ZNF804B: variants seen among roughly 807,000 people sequenced by gnomAD.
ZNF804B encodes the protein zinc finger 804B.
ZNF804B carries 80 observed loss-of-function variants against 101.4 expected under a neutral mutation model. That is an observed-to-expected ratio of 0.79 (90% CI 0.66 to 0.95). The LOEUF is 0.95. Ranked by LOEUF, ZNF804B falls within the 40% of genes least tolerant of loss-of-function variation. The pLI, the probability that ZNF804B is intolerant of heterozygous loss-of-function variation, is 0.00. For missense variants in ZNF804B, 1,673 were observed against 1,561.9 expected, an observed-to-expected ratio of 1.07 and a Z score of -1.20; for synonymous variants, 622 against 558.8, an observed-to-expected ratio of 1.11 and a Z score of -1.59.
At chr7:89,317,078 G>A (rs40374) in intron 2 of ZNF804B, among the ~76,000 whole-genome samples, 13,467 of 152,214 alleles carry the variant, frequency 0.088, 720 homozygotes, top group Non-Finnish European at 0.12. Context: ...CAGGGCATAG[G>A]TATACAGAGA....
At chr7:89,091,474 C>T (rs566904009) in intron 1 of ZNF804B, among the ~76,000 whole-genome samples, 64 of 152,008 alleles carry the variant, frequency 4.2e-4, no homozygotes, top group African/African-American at 1.4e-3. Flanking sequence ...GGAATTTAAA[C>T]AAGTTTTCTC....
chr7:88,786,515 C>A (rs900823863), intron 1 of ZNF804B, among the ~76,000 whole-genome samples: 3 of 152,036 alleles, frequency 2.0e-5, no homozygotes, highest in African/African-American at 7.2e-5. Context: ...AATCTTTGGG[C>A]TAATTCCTCT....
chr7:89,271,625 A>T (rs531643978), intron 2 of ZNF804B, among the ~76,000 whole-genome samples: 2 of 152,232 alleles, frequency 1.3e-5, no homozygotes, highest in East Asian at 3.9e-4. Flanking sequence ...TATTGATTGG[A>T]ATAGTTTCAG....
At chr7:89,316,008 T>C (rs1028094451) in intron 2 of ZNF804B, among the ~76,000 whole-genome samples, 22 of 152,184 alleles carry the variant, frequency 1.4e-4, no homozygotes, top group Non-Finnish European at 3.2e-4. Context: ...TACAATTGTG[T>C]GTGTGTGTCT....
chr7:88,794,605 T>A (rs1208883903), intron 1 of ZNF804B: 2 of 1,613,716 alleles, frequency 1.2e-6, no homozygotes, highest in South Asian at 2.2e-5. Flanking sequence ...GCCAATATAA[T>A]CTAAAAGAAC....
At chr7:88,852,953 T>A (rs1791468252) in intron 1 of ZNF804B, among the ~76,000 whole-genome samples, 1 of 152,094 alleles carries the variant, frequency 6.6e-6, no homozygotes, top group African/African-American at 2.4e-5. Context: ...TGGCTAATCA[T>A]CAAACAATGG....
At chr7:89,275,056 A>G (rs1023505685) in intron 2 of ZNF804B, among the ~76,000 whole-genome samples, 1 of 152,068 alleles carries the variant, frequency 6.6e-6, no homozygotes, top group Middle Eastern at 3.4e-3. Flanking sequence ...ACAGACTTGC[A>G]TCTGTATTTG....
intron 1 of ZNF804B, among the ~76,000 whole-genome samples, chr7:88,879,083 G>T (rs1332949389): frequency 3.3e-5 from 5 of 152,150 alleles, no homozygotes; most frequent in African/African-American, 1.2e-4. Flanking sequence ...AGTATAAAAA[G>T]GACCAAGTGG....
chr7:89,306,719 A>G (rs1790567391), intron 2 of ZNF804B, among the ~76,000 whole-genome samples: 1 of 151,942 alleles, frequency 6.6e-6, no homozygotes, highest in Admixed American at 6.6e-5. Flanking sequence ...GATACATAAA[A>G]ATGAATGAAG....
intron 2 of ZNF804B, among the ~76,000 whole-genome samples, chr7:89,323,992 T>A (rs1012385493): frequency 3.9e-5 from 6 of 152,056 alleles, no homozygotes; most frequent in Non-Finnish European, 8.8e-5. Context: ...AGCCAAAACA[T>A]GAGGCTGGCA....
intron 2 of ZNF804B, among the ~76,000 whole-genome samples, chr7:89,273,998 G>A (rs541596244): frequency 1.0e-3 from 157 of 151,756 alleles, no homozygotes; most frequent in African/African-American, 3.3e-3. Flanking sequence ...TTTCAAATTC[G>A]CGTCTTGGCC....
chr7:88,870,400 A>AAAAAAAAAAAAAAAAAAAAAT, intron 1 of ZNF804B, among the ~76,000 whole-genome samples: 1 of 112,734 alleles, frequency 8.9e-6, no homozygotes, highest in Non-Finnish European at 1.8e-5. Context: ...AAAAAAAAAA[A>AAAAAAAAAAAAAAAAAAAAAT]AAAAAAAGGT....
intron 2 of ZNF804B, among the ~76,000 whole-genome samples, chr7:89,236,416 A>G (rs1034869144): frequency 2.6e-5 from 4 of 152,162 alleles, no homozygotes; most frequent in Non-Finnish European, 5.9e-5. Flanking sequence ...CATGGTGATT[A>G]AAATAAGAGA....
chr7:88,929,332 C>T (rs1792849777), intron 1 of ZNF804B, among the ~76,000 whole-genome samples: 1 of 141,526 alleles, frequency 7.1e-6, no homozygotes, highest in South Asian at 2.4e-4. Context: ...TCTACTATAT[C>T]CCTAAGGTTC....
At chr7:88,973,391 C>G (rs928658687) in intron 1 of ZNF804B, among the ~76,000 whole-genome samples, 6 of 151,106 alleles carry the variant, frequency 4.0e-5, no homozygotes, top group African/African-American at 9.7e-5. Context: ...GAAAACAGGC[C>G]AATCCTGGTA....
In ZNF804B at chr7:89,239,568, A is replaced by C. The variant is rs150958543; in HGVS notation, c.249+21273A>C. On this transcript the variant is annotated intron_variant, in intron 2 of 3. Coordinates refer to ENST00000333190, the MANE Select transcript of ZNF804B (RefSeq NM_181646.5). ...GTGCTTCTGAACATGTAAGGAACTT[A>C]TCAATTGAATATAAAATTAAGCTAC... is the stretch of plus-strand genomic sequence containing the variant. Among the ~76,000 whole-genome samples, 573 of 152,278 alleles carry C rather than the reference A, an allele frequency of 3.8e-3. 3 individuals are homozygous for C. The highest frequency in any genetic ancestry group is 0.013 in the African/African-American group (550 of 41,562).
Position 88,759,734 on chromosome 7 carries a change from G to A in ZNF804B, c.-243G>A. ...GTCAGAGCAGCATGTGGACTGGCTC[G>A]CCGGGTCCCCTCCGTGCTCTGTGCT... On this transcript the variant is annotated 5_prime_UTR_variant, in exon 1 of 4. Coordinates refer to ENST00000333190, the MANE Select transcript of ZNF804B (RefSeq NM_181646.5). The A allele has an allele frequency of 1.9e-6, 1 of 535,326 alleles. No homozygotes were observed. The highest frequency in any genetic ancestry group is 2.3e-5 in the South Asian group (1 of 43,490). 33.2% of individuals were successfully genotyped at this position (535,326 alleles called of 1,614,324 possible).
At chr7:89,095,957 T>C (rs1354702738) in intron 1 of ZNF804B, among the ~76,000 whole-genome samples, 1 of 151,704 alleles carries the variant, frequency 6.6e-6, no homozygotes, top group Non-Finnish European at 1.5e-5. Context: ...CGAGACCATC[T>C]TGGCTAACAT....
intron 2 of ZNF804B, among the ~76,000 whole-genome samples, chr7:89,291,422 C>T (rs566893025): frequency 6.6e-6 from 1 of 152,052 alleles, no homozygotes; most frequent in Non-Finnish European, 1.5e-5. Context: ...GAAAATTTAA[C>T]AAAGAGATTG....
Sources: allele counts gnomAD v4.1 joint callset (sites outside exome capture counted in the v4.1 genomes callset), GRCh38; gene constraint gnomAD v4.1.1; transcripts MANE v1.5; gene names NCBI Gene and HGNC (gene_info 2026-07-23, HGNC 2026-07-21).